GPR20: variants seen among roughly 807,000 people sequenced by gnomAD.
GPR20 encodes CTD-3064M3.3.
For synonymous variants in GPR20, 241 were observed against 241.9 expected (o/e 1.00, Z 0.04); for missense variants, 494 against 527.4 (o/e 0.94, Z 0.62).
intron 1 of GPR20, among the ~76,000 whole-genome samples, chr8:141,365,749 G>A (rs1339354529): frequency 6.6e-6 from 1 of 152,176 alleles, no homozygotes; most frequent in African/African-American, 2.4e-5. Context: ...CCGGGGGCGT[G>A]GGGAGGGCTT....
chr8:141,364,264 C>T (rs527364044), intron 1 of GPR20, among the ~76,000 whole-genome samples: 42 of 152,376 alleles, frequency 2.8e-4, no homozygotes, highest in African/African-American at 8.4e-4. Context: ...GCACCCCAGA[C>T]GGCGTGGCCC....
intron 1 of GPR20, among the ~76,000 whole-genome samples, chr8:141,361,892 C>T (rs1444528420): frequency 6.6e-6 from 1 of 152,218 alleles, no homozygotes; most frequent in African/African-American, 2.4e-5. Flanking sequence ...GGGCACACCT[C>T]CCAGAGCCCC....
chr8:141,357,904 G>A lies in GPR20; in HGVS notation c.20C>T (p.Ala7Val), dbSNP rs753512870. The A allele has an allele frequency of 2.7e-5, 43 of 1,568,530 alleles. No homozygotes were observed. Among genetic ancestry groups the A allele is most frequent in the Non-Finnish European group, 3.4e-5 (39 of 1,154,080 alleles). MPSVSP[A>V]GPSAGAVPNA... ...GGGGACTGCCCCGGCCGAGGGCCCCGCTGGAGACACAGAGGGCATGACGGC... is the reference window on the plus strand; with the variant it reads ...GGGGACTGCCCCGGCCGAGGGCCCCACTGGAGACACAGAGGGCATGACGGC... Residue 7 changes from alanine to valine, a missense_variant, in exon 2 of 2, where the codon GCG (alanine) becomes GTG (valine). By Grantham distance (64) the Ala-to-Val change is moderately conservative (BLOSUM62 0). Coordinates refer to ENST00000377741, the MANE Select transcript of GPR20 (RefSeq NM_005293.3).
rs137993467 is a variant in GPR20 at position 141,357,874 on chromosome 8, G to T, written c.50C>A (p.Ala17Asp). 1.6e-5 allele frequency: 26 copies of T among 1,605,728 alleles called. No homozygotes were observed. In the African/African-American group the frequency reaches 3.5e-4, roughly 21 times the overall value. Residue 17 changes from alanine to aspartate, a missense_variant, in exon 2 of 2, where the codon GCC becomes GAC. By Grantham distance (126) the Ala-to-Asp change is moderately radical. Coordinates refer to ENST00000377741, the MANE Select transcript of GPR20 (RefSeq NM_005293.3). ...GGTCCGCACTGTTGTCACTGCGGTG[G>T]CATTGGGGACTGCCCCGGCCGAGGG... ...AGPSAGAVPN[A>D]TAVTTVRTNA...
chr8:141,356,668 C>T lies in GPR20; in HGVS notation c.*179G>A, dbSNP rs1462791645. On this transcript the variant is annotated 3_prime_UTR_variant, in exon 2 of 2. Transcript: ENST00000377741. Reference sequence around the variant, plus strand: ...TCAGGCCACCACATCCCATCGGAGCCAGTGGCAGACATTGCTAATCAACCA... The same window carrying T: ...TCAGGCCACCACATCCCATCGGAGCTAGTGGCAGACATTGCTAATCAACCA... The T allele has an allele frequency of 3.8e-6, 2 of 532,244 alleles. No individual in the cohort carries two copies. The highest frequency in any genetic ancestry group is 1.9e-5 in the African/African-American group (1 of 52,178). 33.0% of individuals were successfully genotyped at this position (532,244 alleles called of 1,614,324 possible).
chr8:141,366,416 C>T, intron 1 of GPR20, among the ~76,000 whole-genome samples: 1 of 152,142 alleles, frequency 6.6e-6, no homozygotes, highest in East Asian at 1.9e-4. Flanking sequence ...TCCACGTCTG[C>T]CCCGCCAGCA....
intron 1 of GPR20, among the ~76,000 whole-genome samples, chr8:141,364,689 C>T (rs1255184421): frequency 2.0e-5 from 3 of 152,198 alleles, no homozygotes; most frequent in East Asian, 1.9e-4. Flanking sequence ...GCGGCTCTAA[C>T]GGAAACACCA....
In GPR20 at chr8:141,357,827, G is replaced by A. The variant is rs751575687; in HGVS notation, c.97C>T (p.Pro33Ser). ...VRTNASGLEV[P>S]LFHLFARLDE... The stretch of plus-strand genomic sequence containing the variant: ...AGCCGGGCAAACAGGTGGAACAGGG[G>A]CACCTCCAGCCCGCTGGCATTGGTC... Residue 33 changes from proline to serine, a missense_variant, in exon 2 of 2, where the codon CCC becomes TCC. Physicochemically the swap from Pro to Ser is moderately conservative, Grantham distance 74. Transcript: ENST00000377741. 5 of 1,613,090 alleles carry A rather than the reference G, an allele frequency of 3.1e-6. No individual in the cohort carries two copies. The highest frequency in any genetic ancestry group is 3.4e-6 in the Non-Finnish European group (4 of 1,179,842).
At position 141,366,383 on chromosome 8, in the gene GPR20, C is replaced by T. The variant is rs530988449; in HGVS notation, c.-25+818G>A. 4.6e-5 allele frequency among the ~76,000 whole-genome samples: 7 copies of T among 152,314 alleles called. No homozygotes were observed. In the Middle Eastern group the frequency reaches 0.01, roughly 222 times the overall value. ...CCAGCCTCCTGCGGGGTGCATTCCC[C>T]GTCCTGCGAGGTCGCCAGCTGCTCC... On this transcript the variant is annotated intron_variant, in intron 1 of 1. Transcript: ENST00000377741.
At chr8:141,362,361 C>T (rs1831747250) in intron 1 of GPR20, among the ~76,000 whole-genome samples, 1 of 152,048 alleles carries the variant, frequency 6.6e-6, no homozygotes, top group South Asian at 2.1e-4. Context: ...GTGCTGCAGG[C>T]TTCCCTGTTG....
At chr8:141,366,158 C>T (rs1831810273) in intron 1 of GPR20, among the ~76,000 whole-genome samples, 1 of 152,258 alleles carries the variant, frequency 6.6e-6, no homozygotes, top group Non-Finnish European at 1.5e-5. Flanking sequence ...TGCATGGCCC[C>T]CACGCCCGGC....
At chr8:141,359,947 A>G (rs571173336) in intron 1 of GPR20, among the ~76,000 whole-genome samples, 1 of 152,282 alleles carries the variant, frequency 6.6e-6, no homozygotes, top group East Asian at 1.9e-4. Context: ...CGGGGCCTAT[A>G]TTAGTGTCCC....
intron 1 of GPR20, among the ~76,000 whole-genome samples, chr8:141,360,786 G>C (rs114425852): frequency 6.6e-6 from 1 of 152,178 alleles, no homozygotes; most frequent in African/African-American, 2.4e-5. Context: ...ACAGAGACCC[G>C]GGTTTGAGTC....
rs1437612753 is a variant in GPR20 at position 141,357,586 on chromosome 8, T to A, written c.338A>T (p.Tyr113Phe). The change falls in exon 2 of 2, where the codon TAC becomes TTC. Residue 113 changes from tyrosine to phenylalanine, a missense_variant. By Grantham distance (22) the Tyr-to-Phe change is conservative. Transcript: ENST00000377741. ...GLSLPTRFAV[Y>F]YGARGCLRCA... Reference sequence around the variant, plus strand: ...GCGCAGGCAGCCCCTGGCGCCGTAGTACACAGCGAAGCGCGTGGGCAGGGA... The same window carrying A: ...GCGCAGGCAGCCCCTGGCGCCGTAGAACACAGCGAAGCGCGTGGGCAGGGA... 1 of 1,613,944 alleles carries A rather than the reference T, an allele frequency of 6.2e-7. No individual in the cohort carries two copies. The highest frequency in any genetic ancestry group is 1.7e-5 in the Admixed American group (1 of 60,034).
intron 1 of GPR20, among the ~76,000 whole-genome samples, chr8:141,361,033 CCT>C (rs1252537913): frequency 2.0e-5 from 3 of 152,248 alleles, no homozygotes; most frequent in Non-Finnish European, 4.4e-5. Context: ...CTGTCTCCTC[CCT>C]CTTTCCTGGC....
In GPR20 at chr8:141,356,854, T is replaced by C; in HGVS notation, c.1070A>G (p.Glu357Gly). Residue 357 changes from glutamate to glycine, a missense_variant, in exon 2 of 2, where the codon GAG (glutamate) becomes GGG (glycine). Transcript: ENST00000377741. Reference sequence around the variant, plus strand: ...CTGGCAGAGCCCTGCTGACTAAGCCTCGGGCCCATTAGCCAGGGCCTGGGT... The same window carrying C: ...CTGGCAGAGCCCTGCTGACTAAGCCCCGGGCCCATTAGCCAGGGCCTGGGT... ...ALTQALANGPEA is the reference protein window; with the variant it reads ...ALTQALANGPGA The C allele has an allele frequency of 6.3e-7, 1 of 1,592,158 alleles. No individual in the cohort carries two copies. Among genetic ancestry groups the C allele is most frequent in the Non-Finnish European group, 8.6e-7 (1 of 1,165,376 alleles).
chr8:141,367,182 A>G lies in GPR20; in HGVS notation c.-25+19T>C, dbSNP rs1563708956. On this transcript the variant is annotated intron_variant, in intron 1 of 1. Coordinates refer to ENST00000377741, the MANE Select transcript of GPR20 (RefSeq NM_005293.3). ...AGCTGGGGAGAGGGAGGCTGGGGCC[A>G]GCCCACAGGGGAACTTACCGCGCTT... The G allele has an allele frequency of 6.6e-6, 1 of 152,244 alleles. No homozygotes were observed. The highest frequency in any genetic ancestry group is 1.5e-5 in the Non-Finnish European group (1 of 68,098). The allele number at this position is 152,244 out of a possible 1,614,324, so 9.4% of individuals were successfully genotyped here. A position where few individuals can be genotyped will look rare whatever the true frequency, so the allele number is the denominator to read the frequency against.
rs1453509397 is a variant in GPR20, at chr8:141,357,252, C to A, written c.672G>T (p.Ser224=). The change falls in exon 2 of 2, where the codon TCG becomes TCT. Residue 224 remains serine, a synonymous_variant. Transcript: ENST00000377741. The part of the protein sequence containing the change: ...VFTGRIMCAL[S]RPGLLHQGRQ... ...GACCCTGGTGGAGCAGACCCGGCCG[C>A]GACAGTGCACACATGATGCGGCCGG... 1 of 1,545,076 alleles carries A rather than the reference C, an allele frequency of 6.5e-7. No individual in the cohort carries two copies. The highest frequency in any genetic ancestry group is 8.7e-7 in the Non-Finnish European group (1 of 1,149,148).
rs1453509397 is a variant in GPR20, at chr8:141,357,252, C to T, written c.672G>A (p.Ser224=). Residue 224 remains serine (S), a synonymous_variant, in exon 2 of 2, where the codon TCG becomes TCA. Coordinates refer to ENST00000377741, the MANE Select transcript of GPR20 (RefSeq NM_005293.3). ...VFTGRIMCAL[S]RPGLLHQGRQ... is the part of the protein sequence containing the mutation. Reference sequence around the variant, plus strand: ...GACCCTGGTGGAGCAGACCCGGCCGCGACAGTGCACACATGATGCGGCCGG... The same window carrying T: ...GACCCTGGTGGAGCAGACCCGGCCGTGACAGTGCACACATGATGCGGCCGG... 12 of 1,545,076 alleles carry T rather than the reference C, an allele frequency of 7.8e-6. No homozygotes were observed. The highest frequency in any genetic ancestry group is 4.9e-5 in the East Asian group (2 of 41,206).
Sources: gnomAD v4.1 joint callset for allele counts (sites outside exome capture counted in the v4.1 genomes callset) on GRCh38, gnomAD v4.1.1 for gene constraint, MANE v1.5 for transcripts, NCBI Gene and HGNC (gene_info 2026-07-23, HGNC 2026-07-21) for gene names.